PBX4: variants seen among roughly 807,000 people sequenced by gnomAD.
PBX4 encodes the protein pre-B-cell leukemia transcription factor 4.
In PBX4, 26 loss-of-function variants were observed where a neutral mutation model predicts 35.1. The observed-to-expected ratio is 0.74, with a 90% CI of 0.54 to 1.03. PBX4 has a LOEUF of 1.03. Ranked by LOEUF, PBX4 falls within the 50% of genes least tolerant of loss-of-function variation. The pLI, the probability that PBX4 is intolerant of heterozygous loss-of-function variation, is 0.00. For synonymous variants in PBX4, 199 were observed against 204.2 expected (o/e 0.97, Z 0.22); for missense variants, 448 against 504.3 (o/e 0.89, Z 1.07).
intron 1 of PBX4, among the ~76,000 whole-genome samples, chr19:19,600,830 A>G (rs1258618444): frequency 6.6e-6 from 1 of 151,792 alleles, no homozygotes; most frequent in Admixed American, 6.6e-5. Flanking sequence ...AAAAAAAAAA[A>G]AAAAGAAAGA....
intron 1 of PBX4, among the ~76,000 whole-genome samples, chr19:19,610,736 T>C (rs1057212171): frequency 2.6e-5 from 4 of 152,066 alleles, no homozygotes; most frequent in South Asian, 4.1e-4. Flanking sequence ...GCCTGGGTGA[T>C]AGAGCAAGAC....
intron 1 of PBX4, among the ~76,000 whole-genome samples, chr19:19,605,563 C>T (rs987414693): frequency 6.6e-6 from 1 of 151,722 alleles, no homozygotes; most frequent in African/African-American, 2.4e-5. Context: ...GAGATCAAGG[C>T]TGCAGTGAGC....
At chr19:19,590,720 T>C (rs2061523222) in intron 2 of PBX4, among the ~76,000 whole-genome samples, 1 of 152,126 alleles carries the variant, frequency 6.6e-6, no homozygotes. Context: ...CCCCCCACCT[T>C]GGCCTCCCAA....
chr19:19,565,138 G>C, intron 5 of PBX4, 49 bp from the exon 6 acceptor site: 1 of 1,611,956 alleles, frequency 6.2e-7, no homozygotes, highest in Non-Finnish European at 8.5e-7. Flanking sequence ...CGACTTCTGA[G>C]ACACGACGCA....
chr19:19,609,548 T>TG (rs1200836219), intron 1 of PBX4, among the ~76,000 whole-genome samples: 52 of 54,392 alleles, frequency 9.6e-4, no homozygotes, highest in Admixed American at 5.9e-3. Flanking sequence ...AAAATCCATA[T>TG]GAAAAAAAAA....
chr19:19,599,032 G>A (rs1446669458), intron 2 of PBX4, among the ~76,000 whole-genome samples: 2 of 150,920 alleles, frequency 1.3e-5, no homozygotes, highest in Non-Finnish European at 2.9e-5. Context: ...GCAATGGCGC[G>A]ATCTTGGCTC....
intron 2 of PBX4, among the ~76,000 whole-genome samples, chr19:19,594,106 A>AAAAAAAAT (rs376246400): frequency 5.5e-5 from 8 of 145,204 alleles, no homozygotes; most frequent in Non-Finnish European, 9.1e-5. Context: ...AAAATAAAAA[A>AAAAAAAAT]TAAAAAATTA....
At chr19:19,564,278 T>C (rs55955356) in intron 6 of PBX4, among the ~76,000 whole-genome samples, 66,451 of 149,950 alleles carry the variant, frequency 0.44, 14,983 homozygotes, top group African/African-American at 0.51. Flanking sequence ...TTACTGAGAA[T>C]GATGATTTCC....
At chr19:19,597,917 G>A (rs2061570330) in intron 2 of PBX4, among the ~76,000 whole-genome samples, 1 of 152,132 alleles carries the variant, frequency 6.6e-6, no homozygotes, top group Non-Finnish European at 1.5e-5. Flanking sequence ...GTGGGACTCT[G>A]GCCACAGATG....
At chr19:19,574,102 C>T (rs2061404356) in intron 2 of PBX4, among the ~76,000 whole-genome samples, 1 of 152,154 alleles carries the variant, frequency 6.6e-6, no homozygotes, top group African/African-American at 2.4e-5. Context: ...GTCTCGAACT[C>T]CTGAGCTCAA....
In PBX4 at chr19:19,563,562, G is replaced by A. The variant is rs747449194; in HGVS notation, c.979C>T (p.Arg327Trp). 1.9e-5 allele frequency: 30 copies of A among 1,550,500 alleles called. No homozygotes were observed. The highest frequency in any genetic ancestry group is 3.9e-5 in the Admixed American group (2 of 50,984). Residue 327 changes from arginine (R) to tryptophan (W), a missense_variant, in exon 7 of 8, where the codon CGG (arginine) becomes TGG (tryptophan). Coordinates refer to ENST00000251203, the MANE Select transcript of PBX4 (RefSeq NM_025245.3). The surrounding 1 kb of genome is among the most constrained non-coding windows in gnomAD (Gnocchi z 5.1). Reference protein sequence around the residue: ...PSAGDAFLTLRTLASLQPPPG... With the variant: ...PSAGDAFLTLWTLASLQPPPG... ...GGAGGCTGGAGAGAGGCCAGAGTCC[G>A]CAGGGTGAGGAAGGCGTCCCCAGCG...
At position 19,563,545 on chromosome 19, in the gene PBX4, G is replaced by A. The variant is rs2061321544; in HGVS notation, c.996C>T (p.Leu332=). ...AFLTLRTLAS[L]QPPPGGGCLQ... Reference sequence around the variant, plus strand: ...GGCAGCCTCCCCCAGGAGGAGGCTGGAGAGAGGCCAGAGTCCGCAGGGTGA... The same window carrying A: ...GGCAGCCTCCCCCAGGAGGAGGCTGAAGAGAGGCCAGAGTCCGCAGGGTGA... Residue 332 remains leucine (L), a synonymous_variant, in exon 7 of 8, where the codon CTC becomes CTT. Coordinates refer to ENST00000251203, the MANE Select transcript of PBX4 (RefSeq NM_025245.3). This position sits in a 1 kb window ranked among gnomAD's most constrained non-coding sequence, Gnocchi z 5.1. 1.9e-6 allele frequency: 3 copies of A among 1,550,648 alleles called. No individual in the cohort carries two copies. Among genetic ancestry groups the A allele is most frequent in the African/African-American group, 1.4e-5 (1 of 73,158 alleles).
At chr19:19,584,623 G>GTTTT (rs34113731) in intron 2 of PBX4, among the ~76,000 whole-genome samples, 3 of 132,094 alleles carry the variant, frequency 2.3e-5, no homozygotes, top group South Asian at 2.5e-4. Context: ...CCAAGGGCTG[G>GTTTT]TTTTTTTTTT....
intron 1 of PBX4, among the ~76,000 whole-genome samples, 196 bp from the exon 2 acceptor site, chr19:19,599,561 G>A (rs142831504): frequency 6.6e-6 from 1 of 152,306 alleles, no homozygotes; most frequent in East Asian, 1.9e-4. Context: ...ATAAAGGCCA[G>A]CCGTGGTGGC....
chr19:19,574,407 C>T (rs753689711), intron 2 of PBX4, among the ~76,000 whole-genome samples: 27 of 152,120 alleles, frequency 1.8e-4, no homozygotes, highest in Non-Finnish European at 2.4e-4. Context: ...CCCTGCAGCC[C>T]GTGGCCACTG....
At chr19:19,584,574 C>T (rs2144740736) in intron 2 of PBX4, among the ~76,000 whole-genome samples, 1 of 151,792 alleles carries the variant, frequency 6.6e-6, no homozygotes, top group Admixed American at 6.6e-5. Flanking sequence ...CTCCCCTCCA[C>T]ACTGCCCCCA....
chr19:19,588,065 GGGGA>G, intron 2 of PBX4: 1 of 719,804 alleles, frequency 1.4e-6, no homozygotes, highest in Non-Finnish European at 2.4e-6. Flanking sequence ...GTGGGGCGGT[GGGGA>G]GGAAGGGGCC....
At chr19:19,586,904 A>C (rs7250942) in intron 2 of PBX4, among the ~76,000 whole-genome samples, 129,658 of 151,758 alleles carry the variant, frequency 0.85, 55,790 homozygotes, top group East Asian at 1. Flanking sequence ...GTACTCCAGC[A>C]TGGGCGACAG....
At chr19:19,576,085 A>T (rs533900715) in intron 2 of PBX4, among the ~76,000 whole-genome samples, 4 of 145,038 alleles carry the variant, frequency 2.8e-5, no homozygotes, top group South Asian at 4.3e-4. Context: ...GCATTCTTTC[A>T]TTCATTCATT....
Sources: allele counts gnomAD v4.1 joint callset (sites outside exome capture counted in the v4.1 genomes callset), GRCh38; gene constraint gnomAD v4.1.1; non-coding constraint Gnocchi (gnomAD v3.1); transcripts MANE v1.5; gene names NCBI Gene and HGNC (gene_info 2026-07-23, HGNC 2026-07-21).